The following CHRNA9 variants were observed in gnomAD, a reference collection of about 807,000 sequenced individuals.
CHRNA9 encodes neuronal acetylcholine receptor subunit alpha-9.
A neutral mutation model predicts 36.8 loss-of-function variants in CHRNA9; 24 were observed. That is an observed-to-expected ratio of 0.65 (90% CI 0.47 to 0.92). The LOEUF is 0.92. CHRNA9 is among the 40% of genes least tolerant of loss of function. CHRNA9 has a pLI of 0.00. For synonymous variants in CHRNA9, 231 were observed against 231.8 expected (o/e 1.00, Z 0.03); for missense variants, 610 against 601.2 (o/e 1.01, Z -0.15).
chr4:40,335,581 C>G (rs558398723), intron 1 of CHRNA9, 50 bp downstream of exon 1: 1 of 1,437,890 alleles, frequency 7.0e-7, no homozygotes, highest in South Asian at 1.1e-5. Context: ...GGGGCTATTG[C>G]TTTGGTGGGA....
chr4:40,354,504 T>C lies in CHRNA9; in HGVS notation c.1424T>C (p.Ile475Thr), dbSNP rs780380156. 2.2e-5 allele frequency: 36 copies of C among 1,609,580 alleles called. No individual in the cohort carries two copies. In the East Asian group the frequency reaches 7.4e-4, roughly 33 times the overall value. The change falls in exon 5 of 5, where the codon ATA becomes ACA. Residue 475 changes from isoleucine (I) to threonine (T), a missense_variant. Ile to Thr is a moderately conservative substitution (Grantham distance 89). Coordinates refer to ENST00000310169, the MANE Select transcript of CHRNA9 (RefSeq NM_017581.4). The stretch of plus-strand genomic sequence containing the variant: ...GTGTTTGTGATGACTATTTTGATCA[T>C]AGCAAGAGCGGATTAGTCACAGATA... ...IMVFVMTILI[I>T]ARAD
chr4:40,337,731 T>TC (rs1170502841), intron 3 of CHRNA9, among the ~76,000 whole-genome samples: 1 of 152,192 alleles, frequency 6.6e-6, no homozygotes, highest in Non-Finnish European at 1.5e-5. Context: ...CAGCGTGGTT[T>TC]CCTCTGAGGG....
Position 40,335,408 on chromosome 4 carries a change from G to A in CHRNA9, c.-60G>A, listed in dbSNP as rs549140303. The A allele has an allele frequency of 1.5e-3, 1,854 of 1,255,928 alleles. 16 individuals carry two copies. The highest frequency in any genetic ancestry group is 0.012 in the South Asian group (981 of 83,844). 77.8% of individuals were successfully genotyped at this position (1,255,928 alleles called of 1,614,324 possible). A position where few individuals can be genotyped will look rare whatever the true frequency, so the allele number is the denominator to read the frequency against. On this transcript the variant is annotated 5_prime_UTR_variant, in exon 1 of 5. Coordinates refer to ENST00000310169, the MANE Select transcript of CHRNA9 (RefSeq NM_017581.4). ...TGTGCCCAGATCCTTTGTATTCATA[G>A]GGGGAAGTGGAAGACCACGCTGCCT... is the stretch of plus-strand genomic sequence containing the variant.
chr4:40,339,793 G>T (rs748080511), intron 3 of CHRNA9, among the ~76,000 whole-genome samples: 5 of 151,856 alleles, frequency 3.3e-5, no homozygotes, highest in Non-Finnish European at 7.4e-5. Flanking sequence ...CTCCTGAGTA[G>T]CTGGGACTAC....
chr4:40,339,140 G>A (rs1228516876), intron 3 of CHRNA9, among the ~76,000 whole-genome samples: 2 of 151,688 alleles, frequency 1.3e-5, no homozygotes, highest in Non-Finnish European at 2.9e-5. Flanking sequence ...TCAGCTGGGT[G>A]TGGTGGCGGG....
chr4:40,339,351 T>TA (rs1712430938), intron 3 of CHRNA9, among the ~76,000 whole-genome samples: 1 of 150,172 alleles, frequency 6.7e-6, no homozygotes, highest in East Asian at 1.9e-4. Flanking sequence ...GATGATCTCT[T>TA]ACAGAATTCT....
intron 3 of CHRNA9, among the ~76,000 whole-genome samples, chr4:40,347,076 G>T (rs1020301996): frequency 6.6e-6 from 1 of 152,122 alleles, no homozygotes; most frequent in Non-Finnish European, 1.5e-5. Context: ...GCCTCCCAAA[G>T]TGCTGGGATT....
rs115863896 is a variant in CHRNA9, at chr4:40,354,663, C to T, written c.*143C>T. 2,841 of 715,748 alleles carry T rather than the reference C, an allele frequency of 4.0e-3. 46 individuals carry two copies. The African/African-American group carries it at 0.041, about 10-fold the overall frequency. 44.3% of individuals were successfully genotyped at this position (715,748 alleles called of 1,614,324 possible). On this transcript the variant is annotated 3_prime_UTR_variant, in exon 5 of 5. Coordinates refer to ENST00000310169, the MANE Select transcript of CHRNA9 (RefSeq NM_017581.4). ...TTTATTTTTAGCTTCAAATGAATGT[C>T]GAAGCTATCTGCTCTGTTAAATTAA...
intron 4 of CHRNA9, among the ~76,000 whole-genome samples, chr4:40,350,247 C>T (rs577459360): frequency 1.2e-4 from 19 of 152,100 alleles, no homozygotes; most frequent in Admixed American, 6.5e-4. Flanking sequence ...GCAACTTGGC[C>T]GAGATTTGGG....
rs1219578718 is a variant in CHRNA9, at chr4:40,354,670, A to G, written c.*150A>G. The G allele has an allele frequency of 1.4e-6, 1 of 699,412 alleles. No homozygotes were observed. The highest frequency in any genetic ancestry group is 2.6e-5 in the East Asian group (1 of 38,986). 43.3% of individuals were successfully genotyped at this position (699,412 alleles called of 1,614,324 possible). ...TTAGCTTCAAATGAATGTCGAAGCT[A>G]TCTGCTCTGTTAAATTAAGCAGAAG... On this transcript the variant is annotated 3_prime_UTR_variant, in exon 5 of 5. Coordinates refer to ENST00000310169, the MANE Select transcript of CHRNA9 (RefSeq NM_017581.4).
At chr4:40,343,604 G>A (rs1414390847) in intron 3 of CHRNA9, among the ~76,000 whole-genome samples, 1 of 152,200 alleles carries the variant, frequency 6.6e-6, no homozygotes, top group Non-Finnish European at 1.5e-5. Flanking sequence ...CCATATCACT[G>A]CCTGAAGGCC....
At chr4:40,348,507 TA>T (rs35518377) in intron 3 of CHRNA9, among the ~76,000 whole-genome samples, 3 of 151,586 alleles carry the variant, frequency 2.0e-5, no homozygotes, top group Non-Finnish European at 4.4e-5. Flanking sequence ...TTTTAGAATA[TA>T]TTATTTTAAT....
intron 3 of CHRNA9, among the ~76,000 whole-genome samples, chr4:40,339,578 A>G (rs1272608673): frequency 6.7e-6 from 1 of 148,430 alleles, no homozygotes; most frequent in Non-Finnish European, 1.5e-5. Context: ...AGGCAGGAGA[A>G]TGCCGTGAAC....
intron 3 of CHRNA9, among the ~76,000 whole-genome samples, chr4:40,348,305 T>A (rs1258547306): frequency 2.0e-5 from 3 of 152,070 alleles, no homozygotes; most frequent in African/African-American, 4.8e-5. Flanking sequence ...AAAATAGAAA[T>A]TCTGTACCCC....
chr4:40,351,025 T>G (rs1467386334), intron 4 of CHRNA9, among the ~76,000 whole-genome samples: 1 of 151,920 alleles, frequency 6.6e-6, no homozygotes, highest in Non-Finnish European at 1.5e-5. Flanking sequence ...TTAAATTTTA[T>G]TTTAATTTAT....
At chr4:40,347,977 A>G (rs895534808) in intron 3 of CHRNA9, 3 of 152,260 alleles carry the variant, frequency 2.0e-5, no homozygotes, top group Non-Finnish European at 2.9e-5. Flanking sequence ...GATGTGGCAC[A>G]TCTCATTGAA....
chr4:40,341,475 G>A (rs1476591212), intron 3 of CHRNA9, among the ~76,000 whole-genome samples: 2 of 152,106 alleles, frequency 1.3e-5, no homozygotes, highest in Non-Finnish European at 2.9e-5. Context: ...TTCATTGCAT[G>A]AGGTGTAACT....
Position 40,355,104 on chromosome 4 carries a change from T to C in CHRNA9, c.*584T>C, listed in dbSNP as rs1007849125. On this transcript the variant is annotated 3_prime_UTR_variant, in exon 5 of 5. Coordinates refer to ENST00000310169, the MANE Select transcript of CHRNA9 (RefSeq NM_017581.4). The stretch of plus-strand genomic sequence containing the variant: ...ATGGTGATGTCGTATATGTTGGTTA[T>C]GTTTTATATAAACCCAAAAGATGAA... 6.6e-6 allele frequency: 1 copy of C among 152,352 alleles called. No individual in the cohort carries two copies. Among genetic ancestry groups the C allele is most frequent in the African/African-American group, 2.4e-5 (1 of 41,466 alleles). The allele number at this position is 152,352 out of a possible 1,614,324, so 9.4% of individuals were successfully genotyped here. A position where few individuals can be genotyped will look rare whatever the true frequency, so the allele number is the denominator to read the frequency against.
At chr4:40,340,503 T>C (rs900199990) in intron 3 of CHRNA9, among the ~76,000 whole-genome samples, 1 of 152,150 alleles carries the variant, frequency 6.6e-6, no homozygotes, top group African/African-American at 2.4e-5. Context: ...GTCATGGCTA[T>C]TTCCCTGAGC....
Sources: allele counts gnomAD v4.1 joint callset (sites outside exome capture counted in the v4.1 genomes callset), GRCh38; gene constraint gnomAD v4.1.1; transcripts MANE v1.5; gene names NCBI Gene and HGNC (gene_info 2026-07-23, HGNC 2026-07-21).